Variants in CALN1 observed in about 807,000 individuals in gnomAD.
CALN1 encodes the protein calneuron 1.
A neutral mutation model predicts 30.6 loss-of-function variants in CALN1; 17 were observed. That is an observed-to-expected ratio of 0.56 (90% confidence interval 0.38 to 0.83). The LOEUF (loss-of-function observed/expected upper bound fraction) is 0.83. Among genes scored for constraint, CALN1 ranks in the 40% least tolerant of loss-of-function variants. The pLI is 0.00. For missense variants in CALN1, 291 were observed against 354.9 expected (o/e 0.82, Z 1.45); for synonymous variants, 156 against 131.4 (o/e 1.19, Z -1.28).
At chr7:71,881,401 A>C (rs1255246469) in intron 5 of CALN1, among the ~76,000 whole-genome samples, 3 of 152,172 alleles carry the variant, frequency 2.0e-5, no homozygotes, top group African/African-American at 7.2e-5. Flanking sequence ...AAACCCCAAC[A>C]CATACACTAG....
intron 6 of CALN1, among the ~76,000 whole-genome samples, chr7:71,808,293 A>T (rs1039764671): frequency 6.6e-6 from 1 of 151,176 alleles, no homozygotes; most frequent in Non-Finnish European, 1.5e-5. Flanking sequence ...GGCAATTAAT[A>T]ATGGTAACAA....
chr7:72,386,417 C>T (rs1805212217), intron 2 of CALN1, among the ~76,000 whole-genome samples: 1 of 152,138 alleles, frequency 6.6e-6, no homozygotes, highest in African/African-American at 2.4e-5. Flanking sequence ...AGGAACTATA[C>T]ATAAGCGTTT....
At chr7:72,391,372 C>T (rs1232042100) in intron 2 of CALN1, among the ~76,000 whole-genome samples, 3 of 152,182 alleles carry the variant, frequency 2.0e-5, no homozygotes. Flanking sequence ...GGCATCTTAT[C>T]TTGACTTCCC....
chr7:72,348,864 A>C (rs529052911), intron 2 of CALN1, among the ~76,000 whole-genome samples: 3 of 152,322 alleles, frequency 2.0e-5, no homozygotes, highest in East Asian at 1.9e-4. Flanking sequence ...ACAAAAGCAA[A>C]ATTCAGAAAC....
chr7:72,236,943 G>A (rs952310932), intron 3 of CALN1, among the ~76,000 whole-genome samples: 2 of 152,068 alleles, frequency 1.3e-5, no homozygotes, highest in African/African-American at 4.8e-5. Flanking sequence ...CCTGCAGTGG[G>A]AGGTGAAGTC....
intron 3 of CALN1, among the ~76,000 whole-genome samples, chr7:72,201,737 T>TTAAAAAAAA (rs1229060738): frequency 8.5e-6 from 1 of 117,882 alleles, no homozygotes. Flanking sequence ...TGAATCTGAT[T>TTAAAAAAAA]AAAAAAAAAA....
intron 5 of CALN1, among the ~76,000 whole-genome samples, chr7:71,989,212 T>C (rs1373385694): frequency 6.6e-6 from 1 of 151,914 alleles, no homozygotes; most frequent in Admixed American, 6.6e-5. Flanking sequence ...CTGAGGTGGG[T>C]GGATCACCTG....
chr7:72,264,671 T>A (rs982229456), intron 3 of CALN1, among the ~76,000 whole-genome samples: 7 of 152,226 alleles, frequency 4.6e-5, no homozygotes, highest in African/African-American at 1.4e-4. Flanking sequence ...CCAGCTGATT[T>A]TTTGTGGTTG....
chr7:71,810,198 A>G, intron 6 of CALN1, 138 bp downstream of exon 6: 1 of 828,404 alleles, frequency 1.2e-6, no homozygotes, highest in East Asian at 2.7e-5. Flanking sequence ...AAGATCTTTA[A>G]CCTCAGTCCT....
intron 3 of CALN1, among the ~76,000 whole-genome samples, chr7:72,182,734 A>AT (rs1033894790): frequency 1.2e-5 from 1 of 85,518 alleles, no homozygotes; most frequent in Non-Finnish European, 3.4e-5. Context: ...AAAACAAAAA[A>AT]TGAAAAAAAA....
intron 3 of CALN1, among the ~76,000 whole-genome samples, chr7:72,204,631 A>T (rs1235837637): frequency 2.0e-5 from 3 of 152,296 alleles, no homozygotes; most frequent in Middle Eastern, 3.4e-3. Flanking sequence ...CAAATTAAAC[A>T]ATCTGTGCCT....
intron 4 of CALN1, among the ~76,000 whole-genome samples, chr7:72,070,537 G>C (rs1804319208): frequency 6.6e-6 from 1 of 152,098 alleles, no homozygotes; most frequent in African/African-American, 2.4e-5. Context: ...GAATCTGCTT[G>C]GGCCCTTTTA....
chr7:71,890,465 C>A (rs1793175404), intron 5 of CALN1, among the ~76,000 whole-genome samples: 1 of 152,170 alleles, frequency 6.6e-6, no homozygotes, highest in Admixed American at 6.5e-5. Context: ...TTCTGATTCC[C>A]TCTTTCTCTC....
chr7:72,217,343 C>T (rs934360319), intron 3 of CALN1, among the ~76,000 whole-genome samples: 4 of 152,138 alleles, frequency 2.6e-5, no homozygotes, highest in Admixed American at 2.0e-4. Flanking sequence ...AGGTCTGGGC[C>T]TGGGCATCTT....
chr7:71,824,801 T>C (rs777275082), intron 5 of CALN1, among the ~76,000 whole-genome samples: 6 of 152,178 alleles, frequency 3.9e-5, no homozygotes, highest in Non-Finnish European at 8.8e-5. Context: ...GGACGATCAA[T>C]GGGTCAGAAC....
chr7:72,234,665 C>T (rs1353769387), intron 3 of CALN1, among the ~76,000 whole-genome samples: 9 of 152,048 alleles, frequency 5.9e-5, no homozygotes, highest in African/African-American at 1.2e-4. Flanking sequence ...AGGCTGGTCT[C>T]GAACTCCTGA....
At chr7:72,324,945 T>C (rs1279229006) in intron 2 of CALN1, among the ~76,000 whole-genome samples, 2 of 152,184 alleles carry the variant, frequency 1.3e-5, no homozygotes, top group African/African-American at 4.8e-5. Flanking sequence ...TGCTGGGTTT[T>C]TGGAAGCTCG....
intron 2 of CALN1, among the ~76,000 whole-genome samples, chr7:72,389,717 C>T (rs1562940784): frequency 1.3e-5 from 2 of 151,962 alleles, no homozygotes; most frequent in South Asian, 4.2e-4. Context: ...GTCAGCAGTT[C>T]GAGACTAACC....
chr7:72,288,200 C>T (rs746404981), intron 2 of CALN1, among the ~76,000 whole-genome samples: 1 of 152,062 alleles, frequency 6.6e-6, no homozygotes, highest in Non-Finnish European at 1.5e-5. Flanking sequence ...GGTGCACTCA[C>T]ATAGCTTTGT....
Sources: gnomAD v4.1 joint callset for allele counts (sites outside exome capture counted in the v4.1 genomes callset) on GRCh38, gnomAD v4.1.1 for gene constraint, MANE v1.5 for transcripts, NCBI Gene and HGNC (gene_info 2026-07-23, HGNC 2026-07-21) for gene names.